The following COL14A1 variants were observed in gnomAD, a reference collection of about 807,000 sequenced individuals.
COL14A1 encodes the protein collagen type XIV alpha 1 chain.
A neutral mutation model predicts 230.3 loss-of-function variants in COL14A1; 136 were observed. The observed-to-expected ratio is 0.59, with a 90% CI of 0.51 to 0.68. The LOEUF (loss-of-function observed/expected upper bound fraction) is 0.68, where lower values mean the gene tolerates loss of function less well. Ranked by LOEUF, COL14A1 falls within the 30% of genes least tolerant of loss-of-function variation. COL14A1 has a pLI of 0.00. For missense variants in COL14A1, 1,976 were observed against 2,215.8 expected (o/e 0.89, Z 2.17); for synonymous variants, 792 against 784.1 (o/e 1.01, Z -0.17).
intron 5 of COL14A1, among the ~76,000 whole-genome samples, chr8:120,194,059 T>A (rs1302445491): frequency 2.6e-5 from 4 of 152,194 alleles, no homozygotes; most frequent in Admixed American, 6.5e-5. Flanking sequence ...GCACCCACTG[T>A]CCTGTGCCCA....
Position 120,208,238 on chromosome 8 carries a change from G to T in COL14A1, c.1198G>T (p.Val400Leu), listed in dbSNP as rs1163065229. The T allele has an allele frequency of 6.2e-7, 1 of 1,609,238 alleles. No homozygotes were observed. The highest frequency in any genetic ancestry group is 1.1e-5 in the South Asian group (1 of 90,416). ...CAAACTGTTCTTTAAACAGGTGGTG[G>T]TAGATGGAACTGTATCTTCCACAGT... The part of the protein sequence containing the change: ...TRGGKPDEVV[V>L]DGTVSSTVLK... The change falls in exon 11 of 48, where the codon GTA becomes TTA. Residue 400 changes from valine (V) to leucine (L), a missense_variant. Val to Leu is a conservative substitution (Grantham distance 32). Coordinates refer to ENST00000297848, the MANE Select transcript of COL14A1 (RefSeq NM_021110.4).
In COL14A1 at chr8:120,300,885, A is replaced by C. The variant is rs975992501; in HGVS notation, c.4401+67A>C. 3.2e-6 allele frequency: 4 copies of C among 1,255,756 alleles called. No homozygotes were observed. The African/African-American group carries it at 5.9e-5, about 19-fold the overall frequency. 77.8% of individuals were successfully genotyped at this position (1,255,756 alleles called of 1,614,324 possible). A position where few individuals can be genotyped will look rare whatever the true frequency, so the allele number is the denominator to read the frequency against. Reference sequence around the variant, plus strand: ...ATTAATAGCTATCACTTGTGTGTCTAATATGTGTTGTCTACTGTACTAAAT... The same window carrying C: ...ATTAATAGCTATCACTTGTGTGTCTCATATGTGTTGTCTACTGTACTAAAT... On this transcript the variant is annotated intron_variant, in intron 36 of 47. Coordinates refer to ENST00000297848, the MANE Select transcript of COL14A1 (RefSeq NM_021110.4).
chr8:120,328,268 C>G (rs912512518), intron 40 of COL14A1, among the ~76,000 whole-genome samples: 2 of 152,186 alleles, frequency 1.3e-5, no homozygotes, highest in Non-Finnish European at 2.9e-5. Context: ...GGGTCTCACT[C>G]TATCACCCAG....
intron 42 of COL14A1, among the ~76,000 whole-genome samples, chr8:120,340,654 T>G (rs1201430059): frequency 1.3e-5 from 2 of 152,170 alleles, no homozygotes; most frequent in Non-Finnish European, 1.5e-5. Flanking sequence ...ACCCTGAAAA[T>G]GCCATTTTTA....
intron 5 of COL14A1, among the ~76,000 whole-genome samples, chr8:120,187,009 C>A (rs1816673521): frequency 6.6e-6 from 1 of 152,088 alleles, no homozygotes; most frequent in South Asian, 2.1e-4. Context: ...CATCTAAGGA[C>A]AGTAGGAAAA....
At chr8:120,169,980 A>G (rs1471392153) in intron 5 of COL14A1, among the ~76,000 whole-genome samples, 2 of 152,030 alleles carry the variant, frequency 1.3e-5, no homozygotes, top group Non-Finnish European at 2.9e-5. Flanking sequence ...AGTTTTTATC[A>G]TTCCAATATG....
intron 34 of COL14A1, among the ~76,000 whole-genome samples, chr8:120,292,054 G>A (rs1199723775): frequency 6.6e-6 from 1 of 152,014 alleles, no homozygotes; most frequent in East Asian, 1.9e-4. Context: ...TATATTCCAT[G>A]TGTGATGTTG....
At chr8:120,363,165 G>A (rs943154140) in intron 45 of COL14A1, among the ~76,000 whole-genome samples, 1 of 152,144 alleles carries the variant, frequency 6.6e-6, no homozygotes, top group African/African-American at 2.4e-5. Context: ...CAACAGCAAA[G>A]ACATGGAACC....
intron 37 of COL14A1, among the ~76,000 whole-genome samples, chr8:120,310,828 G>A (rs1821011500): frequency 6.6e-6 from 1 of 152,174 alleles, no homozygotes. Context: ...GCAGTCACAT[G>A]CTGTTGCCTT....
At chr8:120,292,610 A>G (rs1820406532) in intron 34 of COL14A1, among the ~76,000 whole-genome samples, 1 of 152,136 alleles carries the variant, frequency 6.6e-6, no homozygotes. Context: ...TTAAATTTAG[A>G]AATCACAGAC....
intron 1 of COL14A1, among the ~76,000 whole-genome samples, chr8:120,127,843 C>T (rs1331618754): frequency 6.6e-6 from 1 of 152,144 alleles, no homozygotes; most frequent in Non-Finnish European, 1.5e-5. Context: ...CCTAAGATCC[C>T]TTTAAAGGAC....
At chr8:120,206,793 G>A in intron 9 of COL14A1, 150 bp from the exon 10 acceptor site, 3 of 748,584 alleles carry the variant, frequency 4.0e-6, no homozygotes, top group Non-Finnish European at 6.1e-6. Context: ...ATGTTTGAAT[G>A]AACAAATGGA....
At chr8:120,174,142 C>T (rs1816194994) in intron 5 of COL14A1, among the ~76,000 whole-genome samples, 1 of 152,136 alleles carries the variant, frequency 6.6e-6, no homozygotes, top group Non-Finnish European at 1.5e-5. Flanking sequence ...CTTGCCCCTC[C>T]TATATAATCA....
chr8:120,338,007 A>C (rs57164364), intron 42 of COL14A1, among the ~76,000 whole-genome samples: 1 of 152,230 alleles, frequency 6.6e-6, no homozygotes, highest in Non-Finnish European at 1.5e-5. Flanking sequence ...CCGTCCCTAC[A>C]TACCAAAAGG....
chr8:120,227,562 C>A (rs551592519), intron 17 of COL14A1, among the ~76,000 whole-genome samples: 2 of 152,246 alleles, frequency 1.3e-5, no homozygotes, highest in East Asian at 3.9e-4. Flanking sequence ...AAGGCAGGGA[C>A]CATATCTGTG....
At chr8:120,202,989 A>AATATACATATATATATAT (rs1171878593) in intron 8 of COL14A1, among the ~76,000 whole-genome samples, 9 of 106,554 alleles carry the variant, frequency 8.4e-5, no homozygotes, top group Non-Finnish European at 1.6e-4. Flanking sequence ...AATAATTTCA[A>AATATACATATATATATAT]ATATATATAT....
At chr8:120,358,080 C>T (rs1479286982) in intron 45 of COL14A1, among the ~76,000 whole-genome samples, 1 of 152,142 alleles carries the variant, frequency 6.6e-6, no homozygotes, top group East Asian at 1.9e-4. Flanking sequence ...TAATAATAAG[C>T]TATAACTAGT....
At chr8:120,147,736 C>A in intron 1 of COL14A1, 70 bp from the exon 2 acceptor site, 1 of 741,400 alleles carries the variant, frequency 1.3e-6, no homozygotes. Flanking sequence ...GCTTATTCGC[C>A]TGTCCTAAAT....
At chr8:120,241,974 C>T (rs1395927060) in intron 19 of COL14A1, among the ~76,000 whole-genome samples, 1 of 152,142 alleles carries the variant, frequency 6.6e-6, no homozygotes, top group African/African-American at 2.4e-5. Context: ...TGAACACTGA[C>T]ATGATGCTAC....
Sources: allele counts gnomAD v4.1 joint callset (sites outside exome capture counted in the v4.1 genomes callset), GRCh38; gene constraint gnomAD v4.1.1; transcripts MANE v1.5; gene names NCBI Gene and HGNC (gene_info 2026-07-23, HGNC 2026-07-21).